Variants in AFF3 observed in about 807,000 individuals in gnomAD.
AFF3 encodes AF4/FMR2 family member 3.
A neutral mutation model predicts 129.7 loss-of-function variants in AFF3; 32 were observed. That is an observed-to-expected ratio of 0.25 (90% CI 0.19 to 0.33). The LOEUF is 0.33. Among genes scored for constraint, AFF3 ranks in the 10% least tolerant of loss-of-function variants. The pLI is 1.00. For synonymous variants in AFF3, 644 were observed against 635.4 expected (o/e 1.01, Z -0.20); for missense variants, 1,373 against 1,592.0 (o/e 0.86, Z 2.34).
rs574147227 is a variant in AFF3, at chr2:99,903,104, A to T, written c.874-65580T>A. Among the ~76,000 whole-genome samples the T allele has an allele frequency of 5.8e-4, 88 of 152,272 alleles. 1 individual carries two copies. In the Middle Eastern group the frequency reaches 0.014, roughly 24 times the overall value. The stretch of plus-strand genomic sequence containing the variant: ...TTAGGTACACCAGCATATATGTATA[A>T]TATTATTATGTAATTGTACCATTAC... On this transcript the variant is annotated intron_variant, in intron 7 of 24. Coordinates refer to ENST00000672756, the MANE Select transcript of AFF3 (RefSeq NM_001386135.1).
At position 99,635,178 on chromosome 2, in the gene AFF3, A is replaced by ATG. The variant is rs542106969; in HGVS notation, c.1184+14447_1184+14448insCA. Among the ~76,000 whole-genome samples, 3 of 151,614 alleles carry ATG rather than the reference A, an allele frequency of 2.0e-5. No homozygotes were observed. The East Asian group carries it at 5.8e-4, about 29-fold the overall frequency. On this transcript the variant is annotated intron_variant, in intron 13 of 24. Transcript: ENST00000672756. ...GTATATGATATATACACATATCTCT[A>ATG]TATATGATATATACACATCTCTATG...
chr2:99,554,137 C>T (rs1674690085), intron 24 of AFF3, among the ~76,000 whole-genome samples, 174 bp downstream of exon 24: 1 of 151,956 alleles, frequency 6.6e-6, no homozygotes, highest in South Asian at 2.1e-4. Flanking sequence ...ATAGAACCAC[C>T]ATAAAGGGTG....
intron 12 of AFF3, among the ~76,000 whole-genome samples, chr2:99,669,813 T>C (rs1268704865): frequency 2.0e-5 from 3 of 151,958 alleles, no homozygotes; most frequent in African/African-American, 7.3e-5. Context: ...CTAGTGAAAA[T>C]ACAAAAATTA....
At chr2:99,609,505 T>C (rs1297182438) in intron 13 of AFF3, among the ~76,000 whole-genome samples, 1 of 152,236 alleles carries the variant, frequency 6.6e-6, no homozygotes, top group Non-Finnish European at 1.5e-5. Flanking sequence ...CCTGAGTCAC[T>C]TCACTTAGAA....
intron 11 of AFF3, among the ~76,000 whole-genome samples, chr2:99,698,698 C>T (rs931978196): frequency 2.0e-5 from 3 of 152,172 alleles, no homozygotes; most frequent in Non-Finnish European, 2.9e-5. Flanking sequence ...TGCTAATAGT[C>T]GTGGATTCAC....
intron 9 of AFF3, among the ~76,000 whole-genome samples, chr2:99,747,582 G>A (rs1235513933): frequency 1.3e-5 from 2 of 152,128 alleles, no homozygotes; most frequent in African/African-American, 2.4e-5. Context: ...CCTGAATTAG[G>A]ATTACAAACC....
chr2:99,998,600 G>A (rs942711920), intron 7 of AFF3, among the ~76,000 whole-genome samples: 1 of 152,172 alleles, frequency 6.6e-6, no homozygotes, highest in Non-Finnish European at 1.5e-5. Flanking sequence ...ACACACATAA[G>A]GGGTCAACCG....
chr2:99,798,425 C>T (rs1685699442), intron 8 of AFF3, among the ~76,000 whole-genome samples: 1 of 151,806 alleles, frequency 6.6e-6, no homozygotes, highest in Admixed American at 6.6e-5. Context: ...TTAGGATTGT[C>T]TATTTTCCAT....
intron 10 of AFF3, among the ~76,000 whole-genome samples, chr2:99,730,805 G>C (rs1350184951): frequency 6.6e-6 from 1 of 151,994 alleles, no homozygotes; most frequent in Non-Finnish European, 1.5e-5. Context: ...GAGCCACCGT[G>C]CTCGGCCATA....
chr2:99,599,302 A>C (rs925351372), intron 14 of AFF3, among the ~76,000 whole-genome samples: 1 of 152,150 alleles, frequency 6.6e-6, no homozygotes, highest in Non-Finnish European at 1.5e-5. Context: ...TCTGTCACCC[A>C]GGCTGGAGTA....
chr2:99,991,279 G>A (rs1158833956), intron 7 of AFF3, among the ~76,000 whole-genome samples: 3 of 152,140 alleles, frequency 2.0e-5, no homozygotes, highest in African/African-American at 7.2e-5. Flanking sequence ...CACACTTAAC[G>A]CTCTTCAAGA....
At chr2:99,944,347 T>G (rs1180596804) in intron 7 of AFF3, among the ~76,000 whole-genome samples, 12 of 152,192 alleles carry the variant, frequency 7.9e-5, no homozygotes, top group Non-Finnish European at 2.9e-5. Context: ...GGGATTGGAG[T>G]TGAGTATATT....
At chr2:99,933,502 C>T (rs550079900) in intron 7 of AFF3, among the ~76,000 whole-genome samples, 7 of 152,130 alleles carry the variant, frequency 4.6e-5, no homozygotes, top group African/African-American at 1.4e-4. Context: ...CCCCACCCCC[C>T]GACAGGCCCT....
intron 11 of AFF3, among the ~76,000 whole-genome samples, chr2:99,704,561 G>C (rs977478948): frequency 1.3e-5 from 2 of 152,316 alleles, no homozygotes; most frequent in Admixed American, 6.5e-5. Context: ...ATTCTCAAGA[G>C]AGACAGATCC....
At chr2:99,994,674 C>T (rs183487163) in intron 7 of AFF3, among the ~76,000 whole-genome samples, 26 of 152,134 alleles carry the variant, frequency 1.7e-4, no homozygotes, top group East Asian at 3.9e-4. Context: ...TCCAGGCATA[C>T]GCAAAGACAG....
intron 7 of AFF3, among the ~76,000 whole-genome samples, chr2:99,910,860 C>T (rs1695059217): frequency 6.6e-6 from 1 of 152,232 alleles, no homozygotes; most frequent in Admixed American, 6.5e-5. Context: ...GAGCTCTGAC[C>T]AGCTTCGCTG....
At chr2:99,735,297 T>G (rs1244152008) in intron 10 of AFF3, among the ~76,000 whole-genome samples, 1 of 152,168 alleles carries the variant, frequency 6.6e-6, no homozygotes, top group African/African-American at 2.4e-5. Flanking sequence ...GCAAAGTTTG[T>G]CAACTGTATT....
At chr2:99,580,548 G>A (rs1384916918) in intron 17 of AFF3, among the ~76,000 whole-genome samples, 3 of 152,136 alleles carry the variant, frequency 2.0e-5, no homozygotes, top group Admixed American at 1.3e-4. Flanking sequence ...AACATCCTAC[G>A]TTGCACAGGA....
chr2:99,836,227 T>C (rs538397007), intron 8 of AFF3, among the ~76,000 whole-genome samples: 30 of 152,270 alleles, frequency 2.0e-4, no homozygotes, highest in African/African-American at 7.0e-4. Context: ...ATAAACACTA[T>C]AACCAGTTAA....
Sources: gnomAD v4.1 joint callset for allele counts (sites outside exome capture counted in the v4.1 genomes callset) on GRCh38, gnomAD v4.1.1 for gene constraint, MANE v1.5 for transcripts, NCBI Gene and HGNC (gene_info 2026-07-23, HGNC 2026-07-21) for gene names.